TFAP2A: variants seen among roughly 807,000 people sequenced by gnomAD.
TFAP2A encodes transcription factor AP-2 alpha.
In TFAP2A, 7 loss-of-function variants were observed where a neutral mutation model predicts 41.5. The observed-to-expected ratio is 0.17, with a 90% CI of 0.10 to 0.32. The LOEUF (loss-of-function observed/expected upper bound fraction) is 0.32. Among genes scored for constraint, TFAP2A ranks in the 10% least tolerant of loss-of-function variants. The probability of loss-of-function intolerance (pLI) is 1.00; values close to 1 mark genes in which losing one functional copy is unlikely to be tolerated. For synonymous variants in TFAP2A, 247 were observed against 242.8 expected (o/e 1.02, Z -0.16); for missense variants, 416 against 563.3 (o/e 0.74, Z 2.65).
Position 10,406,915 on chromosome 6 carries a change from A to G in TFAP2A, c.487-71T>C, listed in dbSNP as rs528950511. The G allele has an allele frequency of 1.3e-5, 16 of 1,197,774 alleles. No individual in the cohort carries two copies. In the East Asian group the frequency reaches 3.3e-4, roughly 24 times the overall value. The allele number at this position is 1,197,774 out of a possible 1,614,324, so 74.2% of individuals were successfully genotyped here. On this transcript the variant is annotated intron_variant, in intron 2 of 6. Transcript: ENST00000379613. ...AAAGGAAATGAATATTCCCTGCAAG[A>G]TGGGAGGAGGGGAAGGTGTAGAATC...
intron 1 of TFAP2A, chr6:10,412,231 G>C (rs1373207767): frequency 2.4e-5 from 24 of 987,872 alleles, no homozygotes; most frequent in Non-Finnish European, 2.9e-5. Flanking sequence ...GAGCGCGCGG[G>C]GGGCCGCGGC....
upstream of TFAP2A, chr6:10,415,289 C>T: frequency 1.4e-6 from 2 of 1,396,932 alleles, no homozygotes; most frequent in Non-Finnish European, 1.9e-6. Context: ...TTTTCCAGCT[C>T]TTTACCAACA....
intron 1 of TFAP2A, chr6:10,412,738 TG>T: frequency 3.5e-6 from 1 of 286,352 alleles, no homozygotes; most frequent in South Asian, 2.6e-5. Context: ...CAGCCGAGTC[TG>T]GGACTCGGGA....
intron 1 of TFAP2A, 183 bp downstream of exon 1, chr6:10,414,758 C>G: frequency 1.2e-6 from 1 of 810,836 alleles, no homozygotes; most frequent in Non-Finnish European, 2.0e-6. Context: ...AAGGGAGCAT[C>G]CACGTCCTCT....
intron 5 of TFAP2A, chr6:10,400,935 G>C: frequency 2.2e-6 from 1 of 455,428 alleles, no homozygotes; most frequent in Non-Finnish European, 4.2e-6. Context: ...ATTCATAAAT[G>C]ATATTCATAA....
At chr6:10,410,661 CCTAAATA>C (rs1265449209) in intron 1 of TFAP2A, among the ~76,000 whole-genome samples, 3 of 152,170 alleles carry the variant, frequency 2.0e-5, no homozygotes, top group African/African-American at 7.2e-5. Context: ...TAAAATTCCT[CCTAAATA>C]CTAAACAGCA....
chr6:10,406,389 GCTT>G lies in TFAP2A; in HGVS notation c.538+401_538+403del, dbSNP rs1324742675. On this transcript the variant is annotated intron_variant, in intron 3 of 6. Transcript: ENST00000379613. ...ATGTTTTTTTCCTCTACTAAAGAGT[GCTT>G]CTTATCATCTGTTCTTACATTAATG... 2.9e-5 allele frequency: 6 copies of G among 209,958 alleles called. No individual in the cohort carries two copies. The South Asian group carries it at 4.1e-4, about 14-fold the overall frequency. 13.0% of individuals were successfully genotyped at this position (209,958 alleles called of 1,614,324 possible).
chr6:10,398,680 G>C lies in TFAP2A; in HGVS notation c.1057C>G (p.Leu353Val). ...TKQICKEFTD[L>V]LAQDRSPLGN... is the part of the protein sequence containing the mutation. ...AGGGGAGATCGGTCCTGAGCCAGCA[G>C]GTCGGTGAACTCTTTGCATATCTGT... The change falls in exon 7 of 7, where the codon CTG becomes GTG. Residue 353 changes from leucine to valine, a missense_variant. By Grantham distance (32) the Leu-to-Val change is conservative. Coordinates refer to ENST00000379613, the MANE Select transcript of TFAP2A (RefSeq NM_001372066.1). This position sits in a 1 kb window ranked among gnomAD's most constrained non-coding sequence, Gnocchi z 5.3. The C allele has an allele frequency of 6.2e-7, 1 of 1,614,176 alleles. No individual in the cohort carries two copies. The highest frequency in any genetic ancestry group is 8.5e-7 in the Non-Finnish European group (1 of 1,180,018).
chr6:10,407,051 TCTC>T (rs1467748760), intron 2 of TFAP2A: 8 of 596,512 alleles, frequency 1.3e-5, no homozygotes, highest in East Asian at 1.1e-4. Flanking sequence ...ATGGCCAATT[TCTC>T]CTCCTCCAGC....
upstream of TFAP2A, chr6:10,416,509 G>T (rs1342719334): frequency 6.6e-6 from 1 of 151,744 alleles, no homozygotes; most frequent in Non-Finnish European, 1.5e-5. Flanking sequence ...TTCCTCGTTT[G>T]TCCTCCAAAA....
In TFAP2A at chr6:10,402,508, G is replaced by A. The variant is rs1427749956; in HGVS notation, c.873C>T (p.Leu291=). 1.9e-6 allele frequency: 3 copies of A among 1,613,538 alleles called. No individual in the cohort carries two copies. Among genetic ancestry groups the A allele is most frequent in the East Asian group, 2.2e-5 (1 of 44,876 alleles). ...TTCGCTTACCCTCTACTAGTGATGTGAGCAGGGTAACGTTGGCAGCTTTAC... is the reference window on the plus strand; with the variant it reads ...TTCGCTTACCCTCTACTAGTGATGTAAGCAGGGTAACGTTGGCAGCTTTAC... ...GRRKAANVTL[L]TSLVEGEAVH... The change falls in exon 5 of 7, where the codon CTC becomes CTT. Residue 291 remains leucine (L), a synonymous_variant. Transcript: ENST00000379613.
In TFAP2A at chr6:10,398,930, ACT is replaced by A. The variant is rs887807390; in HGVS notation, c.1032-227_1032-226del. On this transcript the variant is annotated intron_variant, in intron 6 of 6. Coordinates refer to ENST00000379613, the MANE Select transcript of TFAP2A (RefSeq NM_001372066.1). This position sits in a 1 kb window ranked among gnomAD's most constrained non-coding sequence, Gnocchi z 5.3. The stretch of plus-strand genomic sequence containing the variant: ...TCTTTACTTCCTACCTTCACAAATG[ACT>A]CTCTCTCTCTTTCCTCTCAGATATG... Among the ~76,000 whole-genome samples the A allele has an allele frequency of 1.3e-5, 2 of 151,184 alleles. No individual in the cohort carries two copies. The highest frequency in any genetic ancestry group is 2.4e-5 in the African/African-American group (1 of 41,082).
rs1761837499 is a variant in TFAP2A, at chr6:10,397,929, T to A, written c.*488A>T. ...CATCTTTTGGCTTTTTTTTTTTTTT[T>A]AAGTATGGCTACAATCTGAACTGAA... is the stretch of plus-strand genomic sequence containing the variant. On this transcript the variant is annotated 3_prime_UTR_variant, in exon 7 of 7. Coordinates refer to ENST00000379613, the MANE Select transcript of TFAP2A (RefSeq NM_001372066.1). 4 of 971,238 alleles carry A rather than the reference T, an allele frequency of 4.1e-6. No individual in the cohort carries two copies. Among genetic ancestry groups the A allele is most frequent in the African/African-American group, 1.8e-5 (1 of 56,222 alleles). The allele number at this position is 971,238 out of a possible 1,614,324, so 60.2% of individuals were successfully genotyped here. A position where few individuals can be genotyped will look rare whatever the true frequency, so the allele number is the denominator to read the frequency against.
In TFAP2A at chr6:10,398,007, T is replaced by C; in HGVS notation, c.*410A>G. 2 of 1,070,418 alleles carry C rather than the reference T, an allele frequency of 1.9e-6. No individual in the cohort carries two copies. The highest frequency in any genetic ancestry group is 2.3e-6 in the Non-Finnish European group (2 of 882,128). The allele number at this position is 1,070,418 out of a possible 1,614,324, so 66.3% of individuals were successfully genotyped here. A position where few individuals can be genotyped will look rare whatever the true frequency, so the allele number is the denominator to read the frequency against. On this transcript the variant is annotated 3_prime_UTR_variant, in exon 7 of 7. Coordinates refer to ENST00000379613, the MANE Select transcript of TFAP2A (RefSeq NM_001372066.1). This position sits in a 1 kb window ranked among gnomAD's most constrained non-coding sequence, Gnocchi z 5.3. Reference sequence around the variant, plus strand: ...CCCATGAAGCGCATATAATTTTTTTTATTTTCACTTTTTTTTTAGAAAAAA... The same window carrying C: ...CCCATGAAGCGCATATAATTTTTTTCATTTTCACTTTTTTTTTAGAAAAAA...
intron 4 of TFAP2A, 151 bp downstream of exon 4, chr6:10,404,357 G>T: frequency 3.1e-5 from 8 of 256,806 alleles, no homozygotes; most frequent in East Asian, 8.0e-5. Context: ...CCGCCCACTT[G>T]GCTCTACGCT....
At chr6:10,401,464 T>A (rs1762003504) in intron 5 of TFAP2A, among the ~76,000 whole-genome samples, 1 of 152,226 alleles carries the variant, frequency 6.6e-6, no homozygotes, top group Non-Finnish European at 1.5e-5. Flanking sequence ...TATATTACTA[T>A]CAATCTCTGA....
At chr6:10,412,727 G>A (rs2113218213) in intron 1 of TFAP2A, 4 of 305,760 alleles carry the variant, frequency 1.3e-5, no homozygotes, top group South Asian at 4.7e-5. Flanking sequence ...CCGCCGCTTC[G>A]CAGCCGAGTC....
At chr6:10,413,167 A>C (rs1011413768) in intron 1 of TFAP2A, among the ~76,000 whole-genome samples, 13 of 152,194 alleles carry the variant, frequency 8.5e-5, no homozygotes, top group Non-Finnish European at 1.9e-4. Flanking sequence ...GCCCCGGCAC[A>C]ATCAGACTGC....
chr6:10,411,887 A>G, intron 1 of TFAP2A: 1 of 1,292,750 alleles, frequency 7.7e-7, no homozygotes, highest in Non-Finnish European at 9.9e-7. Flanking sequence ...ACCCCAAAAA[A>G]GGAAAAAGGA....
Sources: allele counts gnomAD v4.1 joint callset (sites outside exome capture counted in the v4.1 genomes callset), GRCh38; gene constraint gnomAD v4.1.1; non-coding constraint Gnocchi (gnomAD v3.1); transcripts MANE v1.5; gene names NCBI Gene and HGNC (gene_info 2026-07-23, HGNC 2026-07-21).